Variants in ASCC3 observed in about 807,000 individuals in gnomAD.
The protein encoded by ASCC3 is activating signal cointegrator 1 complex subunit 3.
Under a neutral mutation model 256.3 loss-of-function variants are expected in ASCC3, and 158 were observed. The observed-to-expected ratio is 0.62, with a 90% confidence interval of 0.54 to 0.70. The LOEUF is 0.70. ASCC3 is among the 30% of genes least tolerant of loss of function. ASCC3 has a pLI of 0.00. For missense variants in ASCC3, 2,259 were observed against 2,626.0 expected (o/e 0.86, Z 3.05); for synonymous variants, 948 against 883.4 (o/e 1.07, Z -1.30).
At chr6:100,788,021 C>T (rs1325942187) in intron 8 of ASCC3, among the ~76,000 whole-genome samples, 1 of 151,238 alleles carries the variant, frequency 6.6e-6, no homozygotes, top group Non-Finnish European at 1.5e-5. Context: ...CCACTGAAGA[C>T]ATTTTGTGAA....
intron 4 of ASCC3, among the ~76,000 whole-genome samples, chr6:100,839,152 A>G (rs1005008850): frequency 3.3e-5 from 5 of 152,120 alleles, no homozygotes; most frequent in African/African-American, 1.2e-4. Context: ...AACAACATTC[A>G]TTATATCACA....
At chr6:100,833,672 GTAAAGCTAT>G (rs1365139400) in intron 4 of ASCC3, among the ~76,000 whole-genome samples, 1 of 152,168 alleles carries the variant, frequency 6.6e-6, no homozygotes, top group African/African-American at 2.4e-5. Context: ...AAAAATAATT[GTAAAGCTAT>G]TATCGATGAA....
At chr6:100,514,201 A>G (rs117430856) in intron 39 of ASCC3, among the ~76,000 whole-genome samples, 9 of 152,268 alleles carry the variant, frequency 5.9e-5, no homozygotes, top group Non-Finnish European at 1.2e-4. Context: ...ATTTTGAAGT[A>G]GTCAAGCCAC....
intron 14 of ASCC3, among the ~76,000 whole-genome samples, chr6:100,665,506 C>T (rs1302728682): frequency 2.0e-5 from 3 of 151,662 alleles, no homozygotes; most frequent in Non-Finnish European, 2.9e-5. Context: ...AGGCAGATCA[C>T]GAGGTCAGGA....
intron 8 of ASCC3, among the ~76,000 whole-genome samples, chr6:100,769,537 A>C (rs1562284015): frequency 1.3e-5 from 2 of 151,846 alleles, no homozygotes; most frequent in Admixed American, 1.3e-4. Flanking sequence ...AAAAAGAAAA[A>C]AACAAAGGTT....
chr6:100,838,255 T>C (rs1771974122), intron 4 of ASCC3, among the ~76,000 whole-genome samples: 1 of 151,954 alleles, frequency 6.6e-6, no homozygotes. Flanking sequence ...ACTAATAATA[T>C]GAAGTATAAT....
chr6:100,657,352 G>T (rs1238883956), intron 16 of ASCC3, among the ~76,000 whole-genome samples: 1 of 151,386 alleles, frequency 6.6e-6, no homozygotes, highest in Non-Finnish European at 1.5e-5. Flanking sequence ...CAGTGTGGGA[G>T]CTGTGTAACA....
At chr6:100,810,058 A>G (rs1770386188) in intron 4 of ASCC3, among the ~76,000 whole-genome samples, 2 of 152,050 alleles carry the variant, frequency 1.3e-5, no homozygotes, top group African/African-American at 4.8e-5. Flanking sequence ...ATAAAATCCA[A>G]ACTTCTAAGT....
chr6:100,518,533 AT>A (rs990235864), intron 37 of ASCC3, among the ~76,000 whole-genome samples: 1 of 152,148 alleles, frequency 6.6e-6, no homozygotes, highest in African/African-American at 2.4e-5. Flanking sequence ...AGTCTTTCAA[AT>A]TTAAAATCAA....
chr6:100,834,727 G>A (rs1416441517), intron 4 of ASCC3, among the ~76,000 whole-genome samples: 1 of 151,954 alleles, frequency 6.6e-6, no homozygotes, highest in Non-Finnish European at 1.5e-5. Context: ...CAGAAGAAAT[G>A]GCTAATTTCA....
At chr6:100,545,866 C>T (rs1173820797) in intron 36 of ASCC3, among the ~76,000 whole-genome samples, 1 of 152,180 alleles carries the variant, frequency 6.6e-6, no homozygotes, top group Admixed American at 6.5e-5. Flanking sequence ...CATATGTGAA[C>T]CACCATGCCT....
intron 1 of ASCC3, among the ~76,000 whole-genome samples, chr6:100,878,336 A>G (rs1455919206): frequency 3.3e-5 from 5 of 152,144 alleles, no homozygotes; most frequent in Admixed American, 2.6e-4. Flanking sequence ...AAGGTGGGGG[A>G]AAAAAATCCT....
chr6:100,835,468 T>C (rs1364566512), intron 4 of ASCC3, among the ~76,000 whole-genome samples: 2 of 152,160 alleles, frequency 1.3e-5, no homozygotes, highest in Non-Finnish European at 2.9e-5. Flanking sequence ...GATAAAGGTC[T>C]AGTTTCAATC....
At chr6:100,548,299 TC>T (rs1268979093) in intron 36 of ASCC3, among the ~76,000 whole-genome samples, 19 of 152,086 alleles carry the variant, frequency 1.2e-4, no homozygotes, top group African/African-American at 4.3e-4. Flanking sequence ...ACTGGAATAT[TC>T]TACTATCTAT....
chr6:100,690,841 T>C (rs1250520733), intron 13 of ASCC3, among the ~76,000 whole-genome samples: 2 of 152,132 alleles, frequency 1.3e-5, no homozygotes, highest in African/African-American at 4.8e-5. Context: ...CTCAGGACTC[T>C]CATGCAGCTC....
At position 100,646,306 on chromosome 6, in the gene ASCC3, C is replaced by CTAT. The variant is rs1016115744; in HGVS notation, c.3633+306_3633+308dup. Among the ~76,000 whole-genome samples, 51 of 151,624 alleles carry CTAT rather than the reference C, an allele frequency of 3.4e-4. 1 individual carries two copies. Among genetic ancestry groups the CTAT allele is most frequent in the African/African-American group, 1.1e-3 (45 of 41,298 alleles). ...GAATAAATATTGCTATAATTTTTTA[C>CTAT]TATTATTATTATTATTTTTTTGAGA... On this transcript the variant is annotated intron_variant, in intron 22 of 41. Coordinates refer to ENST00000369162, the MANE Select transcript of ASCC3 (RefSeq NM_006828.4).
In ASCC3 at chr6:100,638,714, T is replaced by A. The variant is rs1348395151; in HGVS notation, c.4009A>T (p.Thr1337Ser). The A allele has an allele frequency of 5.6e-6, 9 of 1,613,894 alleles. No individual in the cohort carries two copies. Among genetic ancestry groups the A allele is most frequent in the Non-Finnish European group, 8.5e-7 (1 of 1,179,888 alleles). ...ACATTACAATCCGTGTGATACAATG[T>A]ATGAAATATTTGTGTCTGTACAGGG... ...FNPVQTQIFHTLYHTDCNVLL... is the reference protein window; with the variant it reads ...FNPVQTQIFHSLYHTDCNVLL... Residue 1337 changes from threonine (T) to serine (S), a missense_variant, in exon 25 of 42, where the codon ACA becomes TCA. Thr to Ser is a moderately conservative substitution (Grantham distance 58, BLOSUM62 1). Coordinates refer to ENST00000369162, the MANE Select transcript of ASCC3 (RefSeq NM_006828.4).
chr6:100,715,172 T>A, intron 13 of ASCC3: 1 of 239,160 alleles, frequency 4.2e-6, no homozygotes, highest in South Asian at 8.3e-5. Flanking sequence ...ATTATATATA[T>A]TACATTTCAA....
intron 4 of ASCC3, among the ~76,000 whole-genome samples, chr6:100,810,811 A>G (rs2114383894): frequency 6.6e-6 from 1 of 152,300 alleles, no homozygotes; most frequent in South Asian, 2.1e-4. Context: ...TACAACCTCA[A>G]AAATGGTTAA....
Sources: allele counts gnomAD v4.1 joint callset (sites outside exome capture counted in the v4.1 genomes callset), GRCh38; gene constraint gnomAD v4.1.1; transcripts MANE v1.5; gene names NCBI Gene and HGNC (gene_info 2026-07-23, HGNC 2026-07-21).